The following SLC26A7 variants were observed in gnomAD, a reference collection of about 807,000 sequenced individuals.
The protein encoded by SLC26A7 is anion exchange transporter.
A neutral mutation model predicts 82.5 loss-of-function variants in SLC26A7; 59 were observed. The observed-to-expected ratio is 0.72, with a 90% CI of 0.58 to 0.89. The LOEUF is 0.89. SLC26A7 is among the 40% of genes least tolerant of loss of function. SLC26A7 has a pLI of 0.00. For missense variants in SLC26A7, 820 were observed against 793.0 expected (o/e 1.03, Z -0.41); for synonymous variants, 271 against 274.3 (o/e 0.99, Z 0.12).
intron 2 of SLC26A7, among the ~76,000 whole-genome samples, chr8:91,288,772 A>G (rs538155654): frequency 2.8e-4 from 42 of 152,242 alleles, no homozygotes; most frequent in African/African-American, 9.1e-4. Flanking sequence ...TACAGATGCT[A>G]TTGTGCACAT....
intron 16 of SLC26A7, among the ~76,000 whole-genome samples, chr8:91,389,929 T>A (rs1814909255): frequency 6.6e-6 from 1 of 152,176 alleles, no homozygotes; most frequent in Non-Finnish European, 1.5e-5. Context: ...GGTGCTTCTT[T>A]CTCTACCCTG....
intron 1 of SLC26A7, among the ~76,000 whole-genome samples, chr8:91,216,830 T>C (rs1445435969): frequency 6.6e-6 from 1 of 152,176 alleles, no homozygotes; most frequent in African/African-American, 2.4e-5. Context: ...GTATTGTTGA[T>C]ATCCCATGAT....
chr8:91,375,953 T>A (rs1279428066), intron 15 of SLC26A7, among the ~76,000 whole-genome samples: 1 of 152,088 alleles, frequency 6.6e-6, no homozygotes, highest in African/African-American at 2.4e-5. Context: ...TTTTTCTTTA[T>A]TTTTCTGTCT....
At chr8:91,340,649 C>T (rs1813382711) in intron 8 of SLC26A7, 98 bp downstream of exon 8, 5 of 1,478,684 alleles carry the variant, frequency 3.4e-6, no homozygotes, top group Non-Finnish European at 4.7e-6. Flanking sequence ...ATAAAACTTT[C>T]CTAACTGTAC....
chr8:91,215,942 A>G (rs1340231973), intron 1 of SLC26A7, among the ~76,000 whole-genome samples: 1 of 152,210 alleles, frequency 6.6e-6, no homozygotes, highest in Non-Finnish European at 1.5e-5. Context: ...AAGGGCAGCA[A>G]GTGTTAAGGT....
At chr8:91,355,718 CT>C (rs905219902) in intron 11 of SLC26A7, among the ~76,000 whole-genome samples, 105 of 150,904 alleles carry the variant, frequency 7.0e-4, no homozygotes, top group African/African-American at 2.2e-3. Flanking sequence ...TCTTTTGCCT[CT>C]TTTTTTTAAA....
chr8:91,338,896 TG>T (rs1223394405), intron 7 of SLC26A7, among the ~76,000 whole-genome samples: 26 of 152,188 alleles, frequency 1.7e-4, no homozygotes, highest in Non-Finnish European at 1.5e-4. Context: ...ATTGTAAATT[TG>T]GGGCAAAGTT....
intron 1 of SLC26A7, among the ~76,000 whole-genome samples, chr8:91,213,466 G>A (rs1193219988): frequency 6.6e-6 from 1 of 152,164 alleles, no homozygotes; most frequent in Non-Finnish European, 1.5e-5. Context: ...GCATGGCAGT[G>A]ATAAATTATA....
At chr8:91,316,852 A>T (rs1377295008) in intron 4 of SLC26A7, among the ~76,000 whole-genome samples, 4 of 151,666 alleles carry the variant, frequency 2.6e-5, no homozygotes, top group Non-Finnish European at 5.9e-5. Flanking sequence ...TTAGTCATTG[A>T]AGTATCAGGA....
At position 91,267,768 on chromosome 8, in the gene SLC26A7, T is replaced by C. The variant is rs187306811; in HGVS notation, c.193+17924T>C. On this transcript the variant is annotated intron_variant, in intron 2 of 18. Coordinates refer to ENST00000276609, the MANE Select transcript of SLC26A7 (RefSeq NM_052832.4). The stretch of plus-strand genomic sequence containing the variant: ...CTATTTTAAAAAAATATTTCTGTTC[T>C]GATCTTTGTTATTTCCTTTTACTAA... Among the ~76,000 whole-genome samples, 211 of 152,012 alleles carry C rather than the reference T, an allele frequency of 1.4e-3. 2 individuals carry two copies. Among genetic ancestry groups the C allele is most frequent in the African/African-American group, 5.0e-3 (208 of 41,558 alleles).
At chr8:91,278,302 G>A (rs755668464) in intron 2 of SLC26A7, among the ~76,000 whole-genome samples, 23 of 152,018 alleles carry the variant, frequency 1.5e-4, no homozygotes, top group Non-Finnish European at 2.9e-4. Context: ...CAAGAGACGG[G>A]TGAGGCCAAG....
At chr8:91,269,997 T>C (rs1811225039) in intron 2 of SLC26A7, among the ~76,000 whole-genome samples, 1 of 152,132 alleles carries the variant, frequency 6.6e-6, no homozygotes, top group Non-Finnish European at 1.5e-5. Flanking sequence ...ATAAATTTAA[T>C]TTTTTATACT....
Position 91,241,406 on chromosome 8 carries a change from T to A in SLC26A7, c.-33-8213T>A, listed in dbSNP as rs533026585. ...TTTTCTTTATCTTTTAAAACACTTT[T>A]CTATACTTTCTGAAATCATCTACTT... On this transcript the variant is annotated intron_variant, in intron 2 of 5. Coordinates refer to the SLC26A7 transcript ENST00000522862. Among the ~76,000 whole-genome samples the A allele has an allele frequency of 2.6e-5, 4 of 152,302 alleles. No individual in the cohort carries two copies. The South Asian group carries it at 8.3e-4, about 32-fold the overall frequency.
chr8:91,236,694 C>T (rs957750161), intron 2 of SLC26A7, among the ~76,000 whole-genome samples: 7 of 151,962 alleles, frequency 4.6e-5, no homozygotes, highest in African/African-American at 1.7e-4. Flanking sequence ...TAAAGTTATA[C>T]AGGAAGCACT....
At chr8:91,306,031 C>T (rs1812295285) in intron 4 of SLC26A7, among the ~76,000 whole-genome samples, 2 of 152,142 alleles carry the variant, frequency 1.3e-5, no homozygotes, top group African/African-American at 4.8e-5. Flanking sequence ...ACTCCCTTTT[C>T]ACTACTTTTA....
At chr8:91,311,933 A>G (rs567371514) in intron 4 of SLC26A7, among the ~76,000 whole-genome samples, 3 of 152,330 alleles carry the variant, frequency 2.0e-5, no homozygotes, top group East Asian at 3.9e-4. Context: ...ATCTGTAGGT[A>G]TCTGCTTAGG....
At chr8:91,287,597 G>T (rs965341058) in intron 2 of SLC26A7, among the ~76,000 whole-genome samples, 1 of 152,178 alleles carries the variant, frequency 6.6e-6, no homozygotes, top group East Asian at 1.9e-4. Flanking sequence ...GTCAATCTGT[G>T]ATCTTATAAA....
rs1814465732 is a variant in SLC26A7, at chr8:91,374,859, A to T, written c.1675+5026A>T. On this transcript the variant is annotated intron_variant, in intron 15 of 18. Coordinates refer to ENST00000276609, the MANE Select transcript of SLC26A7 (RefSeq NM_052832.4). ...AGTCCCCCACTATTATCATCTGGCCACTGTCCCTTTTCTTAGGTCTAGTAG... is the reference window on the plus strand; with the variant it reads ...AGTCCCCCACTATTATCATCTGGCCTCTGTCCCTTTTCTTAGGTCTAGTAG... Among the ~76,000 whole-genome samples, 3 of 151,982 alleles carry T rather than the reference A, an allele frequency of 2.0e-5. No homozygotes were observed. In the South Asian group the frequency reaches 6.2e-4, roughly 31 times the overall value.
At chr8:91,357,052 A>C (rs1235267288) in intron 11 of SLC26A7, among the ~76,000 whole-genome samples, 1 of 152,146 alleles carries the variant, frequency 6.6e-6, no homozygotes, top group Admixed American at 6.5e-5. Context: ...ACCTTTACTT[A>C]GGAGGTCAGA....
Sources: allele counts gnomAD v4.1 joint callset (sites outside exome capture counted in the v4.1 genomes callset), GRCh38; gene constraint gnomAD v4.1.1; transcripts MANE v1.5; gene names NCBI Gene and HGNC (gene_info 2026-07-23, HGNC 2026-07-21).